Variants in OSBP2 observed in about 807,000 individuals in gnomAD.
The protein encoded by OSBP2 is oxysterol binding protein 2, also known as oxysterol-binding protein 2.
Under a neutral mutation model 96.0 loss-of-function variants are expected in OSBP2, and 66 were observed. The ratio of observed to expected loss-of-function variants is 0.69; its 90% CI spans 0.56 to 0.84. The LOEUF (loss-of-function observed/expected upper bound fraction) is 0.84, where lower values mean the gene tolerates loss of function less well. Among genes scored for constraint, OSBP2 ranks in the 40% least tolerant of loss-of-function variants. OSBP2 has a pLI of 0.00. For missense variants in OSBP2, 1,038 were observed against 1,222.7 expected (o/e 0.85, Z 2.25); for synonymous variants, 525 against 520.9 (o/e 1.01, Z -0.11).
rs562119036 is a variant in OSBP2, at chr22:30,906,422, C to A, written c.*83C>A. 3.4e-5 allele frequency: 48 copies of A among 1,429,264 alleles called. No individual in the cohort carries two copies. The highest frequency in any genetic ancestry group is 4.5e-5 in the Non-Finnish European group (48 of 1,073,214). The allele number at this position is 1,429,264 out of a possible 1,614,324, so 88.5% of individuals were successfully genotyped here. ...TGCACTCAATTTAGTACTGAATGGT[C>A]TTTCTCCCAGCCCATTCCCAGCCCT... On this transcript the variant is annotated 3_prime_UTR_variant, in exon 14 of 14. Coordinates refer to ENST00000332585, the MANE Select transcript of OSBP2 (RefSeq NM_030758.4).
At chr22:30,719,896 A>C (rs2089521176) in intron 1 of OSBP2, among the ~76,000 whole-genome samples, 1 of 152,156 alleles carries the variant, frequency 6.6e-6, no homozygotes, top group African/African-American at 2.4e-5. Flanking sequence ...ACAACAACAA[A>C]AAGTGCCATC....
At chr22:30,752,456 G>A (rs575258050) in intron 2 of OSBP2, among the ~76,000 whole-genome samples, 3 of 151,242 alleles carry the variant, frequency 2.0e-5, no homozygotes, top group Non-Finnish European at 4.4e-5. Context: ...CCACCACCAC[G>A]CCCAGCTAAT....
chr22:30,809,820 A>T (rs1216308518), intron 2 of OSBP2, among the ~76,000 whole-genome samples: 1 of 152,162 alleles, frequency 6.6e-6, no homozygotes, highest in African/African-American at 2.4e-5. Context: ...GGTGGAGAAG[A>T]CGATATGGAT....
At chr22:30,762,467 A>G (rs986747957) in intron 2 of OSBP2, among the ~76,000 whole-genome samples, 2 of 150,970 alleles carry the variant, frequency 1.3e-5, no homozygotes, top group Non-Finnish European at 1.5e-5. Context: ...GGGTGAACCC[A>G]GGAGGCAGAG....
chr22:30,729,327 A>G (rs765197523), intron 1 of OSBP2, among the ~76,000 whole-genome samples: 1 of 152,206 alleles, frequency 6.6e-6, no homozygotes, highest in Non-Finnish European at 1.5e-5. Context: ...CTAAATGTCC[A>G]TCGATGGATG....
At chr22:30,804,982 A>G (rs953866118) in intron 2 of OSBP2, among the ~76,000 whole-genome samples, 12 of 152,246 alleles carry the variant, frequency 7.9e-5, no homozygotes, top group Admixed American at 1.3e-4. Context: ...TATAGCCAAA[A>G]AAGTTTTCCA....
At chr22:30,905,792 C>T (rs763847296) in intron 12 of OSBP2, 45 bp from the exon 13 acceptor site, 6 of 1,603,604 alleles carry the variant, frequency 3.7e-6, no homozygotes, top group Admixed American at 3.4e-5. Flanking sequence ...AGGTGTGGTC[C>T]GGCTCACACC....
At chr22:30,887,378 G>A (rs753739496) in intron 3 of OSBP2, 48 bp from the exon 4 acceptor site, 1 of 1,524,544 alleles carries the variant, frequency 6.6e-7, no homozygotes, top group African/African-American at 1.4e-5. Context: ...TGACAGATGG[G>A]CCCCTGCCAG....
intron 2 of OSBP2, among the ~76,000 whole-genome samples, chr22:30,749,892 G>A (rs2090052651): frequency 6.6e-6 from 1 of 152,158 alleles, no homozygotes; most frequent in African/African-American, 2.4e-5. Context: ...ACAGACGTGA[G>A]CCACCGCGCC....
intron 2 of OSBP2, among the ~76,000 whole-genome samples, chr22:30,782,025 A>G (rs1429220099): frequency 6.6e-6 from 1 of 152,178 alleles, no homozygotes; most frequent in East Asian, 1.9e-4. Flanking sequence ...GGGCACCTGT[A>G]TTCCCAGCTA....
intron 2 of OSBP2, among the ~76,000 whole-genome samples, chr22:30,863,304 A>C (rs565341628): frequency 1.3e-5 from 2 of 152,262 alleles, no homozygotes; most frequent in South Asian, 4.2e-4. Context: ...AGCTGCTGTA[A>C]TTGAATGTTG....
At chr22:30,771,692 CTG>C (rs1320200889) in intron 2 of OSBP2, among the ~76,000 whole-genome samples, 4 of 152,240 alleles carry the variant, frequency 2.6e-5, no homozygotes, top group Admixed American at 2.0e-4. Flanking sequence ...TGAAGGATAT[CTG>C]TTTGCAACAT....
intron 2 of OSBP2, among the ~76,000 whole-genome samples, chr22:30,820,153 G>A (rs2091130231): frequency 6.6e-6 from 1 of 152,174 alleles, no homozygotes; most frequent in Admixed American, 6.5e-5. Context: ...GCCGAGGTAG[G>A]AGGACTGCTT....
intron 2 of OSBP2, among the ~76,000 whole-genome samples, chr22:30,786,393 G>A (rs971567052): frequency 1.3e-5 from 2 of 152,080 alleles, no homozygotes; most frequent in East Asian, 1.9e-4. Context: ...GTGCCAGACA[G>A]CACTAGGAGG....
chr22:30,856,492 T>C (rs560841431), intron 2 of OSBP2, among the ~76,000 whole-genome samples: 10 of 148,478 alleles, frequency 6.7e-5, no homozygotes, highest in Admixed American at 5.5e-4. Flanking sequence ...ATTCAAGCAA[T>C]TCTCCTGCCT....
intron 2 of OSBP2, among the ~76,000 whole-genome samples, chr22:30,848,216 G>A (rs2038910635): frequency 6.6e-6 from 1 of 152,114 alleles, no homozygotes; most frequent in African/African-American, 2.4e-5. Context: ...ATTGCAAATA[G>A]TGCTTTTAGG....
chr22:30,716,335 C>T (rs915502667), intron 1 of OSBP2, among the ~76,000 whole-genome samples: 1 of 152,136 alleles, frequency 6.6e-6, no homozygotes, highest in Non-Finnish European at 1.5e-5. Flanking sequence ...AGCCACCACA[C>T]CTGGCTGAGC....
At chr22:30,893,025 C>G (rs2039982316) in intron 8 of OSBP2, 97 bp from the exon 9 acceptor site, 5 of 1,490,406 alleles carry the variant, frequency 3.4e-6, no homozygotes, top group Non-Finnish European at 4.6e-6. Context: ...CAGAGCTGTG[C>G]CTGCTGAGGC....
intron 3 of OSBP2, 152 bp from the exon 4 acceptor site, chr22:30,887,274 A>G (rs2039832859): frequency 4.8e-6 from 3 of 623,206 alleles, no homozygotes; most frequent in Non-Finnish European, 8.5e-6. Flanking sequence ...GTGACTTAGA[A>G]TGCCTTAGCT....
Sources: gnomAD v4.1 joint callset for allele counts (sites outside exome capture counted in the v4.1 genomes callset) on GRCh38, gnomAD v4.1.1 for gene constraint, MANE v1.5 for transcripts, NCBI Gene and HGNC (gene_info 2026-07-23, HGNC 2026-07-21) for gene names.